CTNNA3: variants seen among roughly 807,000 people sequenced by gnomAD.
The protein encoded by CTNNA3 is catenin alpha 3, also known as catenin alpha-3.
A neutral mutation model predicts 95.7 loss-of-function variants in CTNNA3; 76 were observed. The ratio of observed to expected loss-of-function variants is 0.79; its 90% CI spans 0.66 to 0.96. The LOEUF (loss-of-function observed/expected upper bound fraction) is 0.96. Ranked by LOEUF, CTNNA3 falls within the 40% of genes least tolerant of loss-of-function variation. The pLI is 0.00. For synonymous variants in CTNNA3, 431 were observed against 374.4 expected (o/e 1.15, Z -1.74); for missense variants, 1,191 against 1,089.8 (o/e 1.09, Z -1.31).
chr10:67,574,066 A>G (rs10997730), intron 3 of CTNNA3, among the ~76,000 whole-genome samples: 33,905 of 152,062 alleles, frequency 0.22, 6,815 homozygotes, highest in African/African-American at 0.54. Context: ...AGATCAAAAT[A>G]TGCATATCAT....
intron 1 of CTNNA3, among the ~76,000 whole-genome samples, chr10:67,691,343 C>T (rs528098347): frequency 2.0e-5 from 3 of 152,292 alleles, no homozygotes; most frequent in Admixed American, 1.3e-4. Context: ...GCATCTCCGC[C>T]TGGCCGCCCA....
At chr10:66,443,609 G>T (rs1227603792) in intron 11 of CTNNA3, among the ~76,000 whole-genome samples, 2 of 152,164 alleles carry the variant, frequency 1.3e-5, no homozygotes, top group Non-Finnish European at 2.9e-5. Context: ...CTGCATCTGA[G>T]GGTCCTGTCT....
intron 7 of CTNNA3, among the ~76,000 whole-genome samples, chr10:66,883,551 T>C (rs1844925196): frequency 6.6e-6 from 1 of 152,152 alleles, no homozygotes; most frequent in African/African-American, 2.4e-5. Context: ...GCCTTACATG[T>C]ATGACCTCTG....
chr10:67,654,606 G>C (rs1839969356), intron 1 of CTNNA3, among the ~76,000 whole-genome samples: 1 of 151,710 alleles, frequency 6.6e-6, no homozygotes, highest in Non-Finnish European at 1.5e-5. Flanking sequence ...CTCCCACTCA[G>C]CCTCTCAAGT....
At chr10:67,737,011 T>G (rs1025674425) in intron 1 of CTNNA3, among the ~76,000 whole-genome samples, 7 of 152,072 alleles carry the variant, frequency 4.6e-5, no homozygotes, top group African/African-American at 1.7e-4. Context: ...TCACCCAGCC[T>G]GGAGTGCAAT....
chr10:67,237,400 G>C (rs1047260462), intron 5 of CTNNA3, among the ~76,000 whole-genome samples: 1 of 151,054 alleles, frequency 6.6e-6, no homozygotes, highest in Non-Finnish European at 1.5e-5. Context: ...GTGGAATTGG[G>C]GGAAGGGATA....
intron 15 of CTNNA3, among the ~76,000 whole-genome samples, chr10:66,003,329 G>GGTGGTGTGTGT (rs1554828018): frequency 6.7e-6 from 1 of 149,848 alleles, no homozygotes; most frequent in African/African-American, 2.5e-5. Context: ...TGGTGGTGGT[G>GGTGGTGTGTGT]GTGTGTGTGT....
intron 11 of CTNNA3, among the ~76,000 whole-genome samples, chr10:66,429,104 C>T (rs1390401776): frequency 4.6e-5 from 7 of 152,152 alleles, no homozygotes; most frequent in African/African-American, 7.2e-5. Flanking sequence ...TACAAACTAC[C>T]GTCAGAGAAT....
intron 5 of CTNNA3, among the ~76,000 whole-genome samples, chr10:67,498,751 A>T (rs1039871400): frequency 6.6e-6 from 1 of 152,164 alleles, no homozygotes; most frequent in Non-Finnish European, 1.5e-5. Context: ...TTATTGGCAT[A>T]TAGGAATGCT....
intron 7 of CTNNA3, among the ~76,000 whole-genome samples, chr10:67,162,823 C>T (rs887621461): frequency 2.0e-5 from 3 of 151,918 alleles, no homozygotes; most frequent in African/African-American, 7.2e-5. Flanking sequence ...AAATATCCTA[C>T]AGGCATCAAA....
chr10:65,943,165 G>T (rs1391027961), intron 17 of CTNNA3, among the ~76,000 whole-genome samples: 1 of 151,324 alleles, frequency 6.6e-6, no homozygotes, highest in Non-Finnish European at 1.5e-5. Context: ...CTGGGCTCAC[G>T]CCATCCTTCT....
At chr10:67,129,665 C>T (rs963355330) in intron 7 of CTNNA3, among the ~76,000 whole-genome samples, 91 of 152,132 alleles carry the variant, frequency 6.0e-4, no homozygotes, top group African/African-American at 2.1e-3. Context: ...TAGTAAATTT[C>T]ACCATTTACG....
intron 7 of CTNNA3, among the ~76,000 whole-genome samples, chr10:67,095,359 AT>A (rs1236932948): frequency 7.2e-5 from 11 of 151,860 alleles, no homozygotes; most frequent in Admixed American, 7.2e-4. Flanking sequence ...GTGGATTTAT[AT>A]TTAAACAGTA....
chr10:66,848,057 C>T (rs1843344591), intron 7 of CTNNA3, among the ~76,000 whole-genome samples: 1 of 152,076 alleles, frequency 6.6e-6, no homozygotes, highest in African/African-American at 2.4e-5. Flanking sequence ...TGGAGAAGAA[C>T]ATGGCAGAGG....
chr10:66,885,126 A>G lies in CTNNA3; in HGVS notation c.1048-109602T>C, dbSNP rs185346374. Among the ~76,000 whole-genome samples, 14 of 152,278 alleles carry G rather than the reference A, an allele frequency of 9.2e-5. 1 individual carries two copies. The East Asian group carries it at 2.5e-3, about 27-fold the overall frequency. Reference sequence around the variant, plus strand: ...GCAAGATGAGACTACTGTATCAGAGAGAATCAAAAGACATCCCTCATCGTG... The same window carrying G: ...GCAAGATGAGACTACTGTATCAGAGGGAATCAAAAGACATCCCTCATCGTG... On this transcript the variant is annotated intron_variant, in intron 7 of 17. Transcript: ENST00000433211.
chr10:67,353,987 A>G (rs1336924080), intron 5 of CTNNA3, among the ~76,000 whole-genome samples: 1 of 151,966 alleles, frequency 6.6e-6, no homozygotes, highest in African/African-American at 2.4e-5. Flanking sequence ...TAAATCTTTC[A>G]AACAGCAGCC....
chr10:66,906,460 C>T (rs748598868), intron 7 of CTNNA3, among the ~76,000 whole-genome samples: 2 of 152,054 alleles, frequency 1.3e-5, no homozygotes, highest in Non-Finnish European at 2.9e-5. Context: ...AAATAGAATA[C>T]AAGTGGAAAA....
In CTNNA3 at chr10:66,553,668, C is replaced by A. The variant is rs576825345; in HGVS notation, c.1375-32895G>T. Among the ~76,000 whole-genome samples, 4 of 151,456 alleles carry A rather than the reference C, an allele frequency of 2.6e-5. No homozygotes were observed. In the South Asian group the frequency reaches 6.3e-4, roughly 24 times the overall value. On this transcript the variant is annotated intron_variant, in intron 10 of 17. Coordinates refer to ENST00000433211, the MANE Select transcript of CTNNA3 (RefSeq NM_013266.4). ...TCAGCCTCCCGAGTACCTGGGACTA[C>A]AGGTGACCGCCACCACACCCGGCTA... is the stretch of plus-strand genomic sequence containing the variant.
intron 5 of CTNNA3, among the ~76,000 whole-genome samples, chr10:67,435,507 T>A (rs1846272799): frequency 6.6e-6 from 1 of 151,914 alleles, no homozygotes; most frequent in Admixed American, 6.6e-5. Flanking sequence ...ATGAAGGGAA[T>A]CCACATCAAT....
Sources: gnomAD v4.1 joint callset for allele counts (sites outside exome capture counted in the v4.1 genomes callset) on GRCh38, gnomAD v4.1.1 for gene constraint, MANE v1.5 for transcripts, NCBI Gene and HGNC (gene_info 2026-07-23, HGNC 2026-07-21) for gene names.